SIRPB1: variants seen among roughly 807,000 people sequenced by gnomAD.
The protein encoded by SIRPB1 is signal regulatory protein beta 1, also known as signal-regulatory protein beta-1.
In SIRPB1, 28 loss-of-function variants were observed where a neutral mutation model predicts 34.1. The ratio of observed to expected loss-of-function variants is 0.82; its 90% CI spans 0.61 to 1.12. The LOEUF (loss-of-function observed/expected upper bound fraction) is 1.12. Ranked by LOEUF, SIRPB1 falls within the 50% of genes most tolerant of loss-of-function variation. SIRPB1 has a pLI of 0.00. For missense variants in SIRPB1, 499 were observed against 507.0 expected, an observed-to-expected ratio of 0.98 and a Z score of 0.15; for synonymous variants, 211 against 203.8, an observed-to-expected ratio of 1.04 and a Z score of -0.30.
chr20:1,571,660 G>A (rs1369644536), intron 3 of SIRPB1, 60 bp downstream of exon 3: 1 of 1,611,920 alleles, frequency 6.2e-7, no homozygotes, highest in Non-Finnish European at 8.5e-7. Context: ...GGAGCCTGGG[G>A]AGAGGGGAGT....
chr20:1,619,830 T>C (rs2091682724), intron 1 of SIRPB1, 39 bp downstream of exon 1: 1 of 1,465,934 alleles, frequency 6.8e-7, no homozygotes. Context: ...CATGGCTCAG[T>C]GGGCAGGAAA....
Position 1,578,399 on chromosome 20 carries a change from C to T in SIRPB1, c.372G>A (p.Arg124=). 6.3e-7 allele frequency: 1 copy of T among 1,587,794 alleles called. No homozygotes were observed. The highest frequency in any genetic ancestry group is 1.1e-5 in the South Asian group (1 of 90,548). ...DAGTYYCVKF[R]KGSPDDVEFK... ...ACTCCACGTCGTCAGGGCTCCCTTT[C>T]CGGAACTTCACACAGTAGTAGGTGC... The change falls in exon 2 of 6, where the codon CGG becomes CGA. Residue 124 remains arginine, a synonymous_variant. Coordinates refer to ENST00000381605, the MANE Select transcript of SIRPB1 (RefSeq NM_006065.5).
chr20:1,580,307 C>T (rs1298915464), intron 1 of SIRPB1, among the ~76,000 whole-genome samples: 2 of 147,360 alleles, frequency 1.4e-5, no homozygotes, highest in Non-Finnish European at 3.0e-5. Flanking sequence ...TTTCAATGTC[C>T]TTCTCCAAGA....
At chr20:1,614,998 A>G (rs1473385775) in intron 1 of SIRPB1, among the ~76,000 whole-genome samples, 2 of 152,174 alleles carry the variant, frequency 1.3e-5, no homozygotes, top group African/African-American at 2.4e-5. Context: ...TCAAGAGCAC[A>G]AGATGATATA....
rs1356371652 is a variant in SIRPB1, at chr20:1,571,832, C to T, written c.639G>A (p.Arg213=). ...SVSYSIHSTA[R]VVLTRGDVHS... Reference sequence around the variant, plus strand: ...GAACGTCCCCACGGGTCAGCACCACCCTGGCTGTGCTGTGGATGCTGTAGG... The same window carrying T: ...GAACGTCCCCACGGGTCAGCACCACTCTGGCTGTGCTGTGGATGCTGTAGG... Residue 213 remains arginine, a synonymous_variant, in exon 3 of 6, where the codon AGG becomes AGA. Coordinates refer to ENST00000381605, the MANE Select transcript of SIRPB1 (RefSeq NM_006065.5). 2 of 1,614,234 alleles carry T rather than the reference C, an allele frequency of 1.2e-6. No individual in the cohort carries two copies. The highest frequency in any genetic ancestry group is 3.3e-5 in the Admixed American group (2 of 60,026).
At position 1,619,977 on chromosome 20, in the gene SIRPB1, C is replaced by A. The variant is rs765213446; in HGVS notation, c.-33G>T. 5.6e-6 allele frequency: 9 copies of A among 1,600,260 alleles called. No homozygotes were observed. The highest frequency in any genetic ancestry group is 6.0e-6 in the Non-Finnish European group (7 of 1,173,740). ...ACCTTAGGAGCCTGCTCTGTCCAAA[C>A]GTCTGTGCTGGGAAGATCGCAGACT... is the stretch of plus-strand genomic sequence containing the variant. On this transcript the variant is annotated 5_prime_UTR_variant, in exon 1 of 6. Transcript: ENST00000381605.
At chr20:1,617,304 A>G (rs1335085055) in intron 1 of SIRPB1, among the ~76,000 whole-genome samples, 9 of 152,216 alleles carry the variant, frequency 5.9e-5, no homozygotes, top group African/African-American at 2.2e-4. Flanking sequence ...GTCCATCAGC[A>G]GATAAATGGA....
intron 2 of SIRPB1, among the ~76,000 whole-genome samples, chr20:1,577,968 A>G (rs1388168370): frequency 6.8e-6 from 1 of 147,408 alleles, no homozygotes; most frequent in Non-Finnish European, 1.5e-5. Flanking sequence ...GGACTTGGCC[A>G]CCCTGAGGGG....
chr20:1,568,390 T>C (rs1297822393), intron 4 of SIRPB1, among the ~76,000 whole-genome samples: 2 of 152,108 alleles, frequency 1.3e-5, no homozygotes, highest in Non-Finnish European at 2.9e-5. Flanking sequence ...TTTCCAGACT[T>C]AGCATATGTG....
At chr20:1,570,686 T>A in intron 4 of SIRPB1, 119 bp downstream of exon 4, 1 of 869,238 alleles carries the variant, frequency 1.2e-6, no homozygotes. Context: ...AGGATTTTAA[T>A]GTAGACGTTA....
intron 2 of SIRPB1, among the ~76,000 whole-genome samples, chr20:1,577,333 T>C (rs1210748485): frequency 6.8e-6 from 1 of 147,510 alleles, no homozygotes; most frequent in Non-Finnish European, 1.5e-5. Context: ...TCCAATTCTG[T>C]CACTAACTGG....
At chr20:1,572,145 T>C (rs2091251313) in intron 2 of SIRPB1, 108 bp from the exon 3 acceptor site, 6 of 1,536,388 alleles carry the variant, frequency 3.9e-6, no homozygotes, top group South Asian at 3.6e-5. Context: ...TTAATCTTTC[T>C]AATAATGTCG....
At chr20:1,565,654 T>C (rs886581161) in intron 5 of SIRPB1, among the ~76,000 whole-genome samples, 157 bp from the exon 6 acceptor site, 5 of 149,502 alleles carry the variant, frequency 3.3e-5, no homozygotes, top group African/African-American at 1.3e-4. Context: ...AGACCTGAGA[T>C]AGGACTCTGC....
In SIRPB1 at chr20:1,599,991, G is replaced by A. The variant is rs181470822; in HGVS notation, c.76+19878C>T. 2.6e-3 allele frequency among the ~76,000 whole-genome samples: 130 copies of A among 50,244 alleles called. 58 individuals carry two copies. Among genetic ancestry groups the A allele is most frequent in the Non-Finnish European group, 4.3e-3 (110 of 25,708 alleles). The allele number at this position is 50,244 out of a possible 152,430, so 33.0% of individuals were successfully genotyped here. On this transcript the variant is annotated intron_variant, in intron 1 of 5. Transcript: ENST00000381605. ...CTTGATTGGATTCTACATGCAGCAA[G>A]CAACTAACATGCTTTTTGGTTATAT...
Position 1,563,246 on chromosome 20 carries a change from C to A in SIRPB1, c.*2254G>T, listed in dbSNP as rs1231279332. Among the ~76,000 whole-genome samples the A allele has an allele frequency of 2.0e-5, 3 of 152,146 alleles. No homozygotes were observed. The highest frequency in any genetic ancestry group is 2.9e-5 in the Non-Finnish European group (2 of 68,022). ...TGGTGGCTCATGCCTGTAATCCCAG[C>A]ACTTTGGGAGGCCAAGACAGGTGGA... On this transcript the variant is annotated 3_prime_UTR_variant, in exon 6 of 6. Coordinates refer to ENST00000381605, the MANE Select transcript of SIRPB1 (RefSeq NM_006065.5).
intron 1 of SIRPB1, among the ~76,000 whole-genome samples, chr20:1,618,556 C>T (rs1355154971): frequency 6.6e-6 from 1 of 152,216 alleles, no homozygotes; most frequent in Non-Finnish European, 1.5e-5. Flanking sequence ...AATTGTTAAA[C>T]TCTTACTGCT....
In SIRPB1 at chr20:1,589,311, C is replaced by T. The variant is rs2091435103; in HGVS notation, c.77-10617G>A. Among the ~76,000 whole-genome samples the T allele has an allele frequency of 4.1e-5, 2 of 48,202 alleles. 1 individual carries two copies. The highest frequency in any genetic ancestry group is 7.9e-5 in the Non-Finnish European group (2 of 25,202). 31.6% of individuals were successfully genotyped at this position (48,202 alleles called of 152,430 possible). ...TTAGTTTAGTAAGGATCTGTTTTGTCGGGTGAAGTGAGGATCATGGGTTAT... is the reference window on the plus strand; with the variant it reads ...TTAGTTTAGTAAGGATCTGTTTTGTTGGGTGAAGTGAGGATCATGGGTTAT... On this transcript the variant is annotated intron_variant, in intron 1 of 5. Coordinates refer to ENST00000381605, the MANE Select transcript of SIRPB1 (RefSeq NM_006065.5).
In SIRPB1 at chr20:1,572,050, C is replaced by A; in HGVS notation, c.434-13G>T. ...GCAGAGGGTTTGGCTACAAAAGGAC[C>A]ATCGATAATCAGGAGACATGACTCA... is the stretch of plus-strand genomic sequence containing the variant. On this transcript the variant is annotated splice_polypyrimidine_tract_variant and intron_variant, in intron 2 of 5. Transcript: ENST00000381605. 6.2e-7 allele frequency: 1 copy of A among 1,613,878 alleles called. No homozygotes were observed. Among genetic ancestry groups the A allele is most frequent in the Non-Finnish European group, 8.5e-7 (1 of 1,179,908 alleles).
intron 1 of SIRPB1, among the ~76,000 whole-genome samples, chr20:1,580,434 C>A: frequency 7.4e-6 from 1 of 134,350 alleles, no homozygotes; most frequent in African/African-American, 2.8e-5. Context: ...AAATAACGGA[C>A]CAAGAACTAA....
Sources: allele counts gnomAD v4.1 joint callset (sites outside exome capture counted in the v4.1 genomes callset), GRCh38; gene constraint gnomAD v4.1.1; transcripts MANE v1.5; gene names NCBI Gene and HGNC (gene_info 2026-07-23, HGNC 2026-07-21).